The following RARA variants were observed in gnomAD, a reference collection of about 807,000 sequenced individuals.
RARA encodes the protein retinoic acid receptor alpha, also known as PML-DDX5-RARA fusion.
RARA carries 5 observed loss-of-function variants against 42.8 expected under a neutral mutation model. That is an observed-to-expected ratio of 0.12 (90% CI 0.06 to 0.25). RARA has a LOEUF of 0.25. Among genes scored for constraint, RARA ranks in the 10% least tolerant of loss-of-function variants. RARA has a pLI of 1.00. For missense variants in RARA, 402 were observed against 628.7 expected, an observed-to-expected ratio of 0.64 and a Z score of 3.86; for synonymous variants, 256 against 259.5, an observed-to-expected ratio of 0.99 and a Z score of 0.13.
chr17:40,341,514 G>A, intron 2 of RARA: 1 of 1,482,344 alleles, frequency 6.7e-7, no homozygotes, highest in Non-Finnish European at 9.0e-7. Flanking sequence ...TCCTGCCGCC[G>A]CTCTCCGCGT....
In RARA at chr17:40,319,679, C is replaced by T. The variant is rs1030322348; in HGVS notation, c.-363+10393C>T. 2.0e-5 allele frequency among the ~76,000 whole-genome samples: 3 copies of T among 152,216 alleles called. No individual in the cohort carries two copies. In the East Asian group the frequency reaches 5.8e-4, roughly 29 times the overall value. ...CAAGATTGTTTTGGGGGAAGTGGTT[C>T]TGTAAGGACCTTCCAGGTCTTGCTA... On this transcript the variant is annotated intron_variant, in intron 1 of 8. Coordinates refer to ENST00000254066, the MANE Select transcript of RARA (RefSeq NM_000964.4).
intron 2 of RARA, among the ~76,000 whole-genome samples, chr17:40,332,190 C>T (rs2033714159): frequency 6.6e-6 from 1 of 152,062 alleles, no homozygotes; most frequent in Admixed American, 6.5e-5. Flanking sequence ...CTGGGGCCTG[C>T]CAGGCCGCTT....
At chr17:40,348,292 G>A (rs375223109) in intron 2 of RARA, 24 bp from the exon 3 acceptor site, 6 of 1,537,984 alleles carry the variant, frequency 3.9e-6, no homozygotes, top group Middle Eastern at 1.7e-4. Context: ...GTCTCTAACT[G>A]CCCCTCCCCT....
chr17:40,325,351 A>T (rs1436862743), intron 1 of RARA, among the ~76,000 whole-genome samples: 1 of 152,204 alleles, frequency 6.6e-6, no homozygotes, highest in African/African-American at 2.4e-5. Context: ...GTGAACAGAC[A>T]GGAAACAGAG....
Position 40,354,513 on chromosome 17 carries a change from A to C in RARA, c.1012+7A>C. 2.9e-6 allele frequency: 3 copies of C among 1,024,732 alleles called. No homozygotes were observed. Among genetic ancestry groups the C allele is most frequent in the African/African-American group, 3.3e-5 (2 of 60,388 alleles). The allele number at this position is 1,024,732 out of a possible 1,614,324, so 63.5% of individuals were successfully genotyped here. Reference sequence around the variant, plus strand: ...ATCTGCCTCATCTGCGGAGGTGGGCAGGGGGCCTGGGTCTGGGGGCTGGGC... The same window carrying C: ...ATCTGCCTCATCTGCGGAGGTGGGCCGGGGGCCTGGGTCTGGGGGCTGGGC... On this transcript the variant is annotated splice_region_variant and intron_variant, in intron 7 of 8. Transcript: ENST00000254066. The surrounding 1 kb of genome is among the most constrained non-coding windows in gnomAD (Gnocchi z 4.5).
chr17:40,322,737 G>C (rs2033427157), intron 1 of RARA, among the ~76,000 whole-genome samples: 1 of 151,984 alleles, frequency 6.6e-6, no homozygotes, highest in Admixed American at 6.6e-5. Context: ...GGGGGGTTAA[G>C]GGGGGGACCC....
intron 2 of RARA, chr17:40,342,340 G>A: frequency 9.3e-7 from 1 of 1,074,718 alleles, no homozygotes; most frequent in Non-Finnish European, 1.1e-6. Flanking sequence ...CGCTGATCCC[G>A]CCCCCGGCCT....
At chr17:40,325,612 A>G (rs1439337406) in intron 1 of RARA, among the ~76,000 whole-genome samples, 1 of 152,254 alleles carries the variant, frequency 6.6e-6, no homozygotes, top group Non-Finnish European at 1.5e-5. Context: ...CTGGCGGGAC[A>G]GGGGTCCAAA....
Position 40,355,155 on chromosome 17 carries a change from C to T in RARA, c.1013-108C>T. The T allele has an allele frequency of 7.3e-7, 1 of 1,368,678 alleles. No homozygotes were observed. Among genetic ancestry groups the T allele is most frequent in the African/African-American group, 1.5e-5 (1 of 68,310 alleles). 84.8% of individuals were successfully genotyped at this position (1,368,678 alleles called of 1,614,324 possible). ...ATGCCCTGCCCTGTGTGGGGAGGCG[C>T]CTGCGAGCTGCCCTCCTCCATGGCC... On this transcript the variant is annotated intron_variant, in intron 7 of 8. Coordinates refer to ENST00000254066, the MANE Select transcript of RARA (RefSeq NM_000964.4). The surrounding 1 kb of genome is among the most constrained non-coding windows in gnomAD (Gnocchi z 4.1).
intron 1 of RARA, among the ~76,000 whole-genome samples, chr17:40,323,731 T>TG (rs1299796489): frequency 0.036 from 1,227 of 34,500 alleles, 9 homozygotes; most frequent in Non-Finnish European, 0.045. Context: ...GGAAGTTGCT[T>TG]GGGGGGGGGT....
At chr17:40,335,900 GGCTGAGGTGGGAGGATT>G (rs1003753101) in intron 2 of RARA, among the ~76,000 whole-genome samples, 2 of 151,926 alleles carry the variant, frequency 1.3e-5, no homozygotes, top group African/African-American at 4.8e-5. Context: ...CTACTCGGGA[GGCTGAGGTGGGAGGATT>G]GCATGAGCCT....
rs374226607 is a variant in RARA, at chr17:40,346,633, C to T, written c.179-1683C>T. Reference sequence around the variant, plus strand: ...CTGCCTCCTGGCCTCACCCAGGCCCCCCAACCCCGCCCCCCCAGCAGCTGT... The same window carrying T: ...CTGCCTCCTGGCCTCACCCAGGCCCTCCAACCCCGCCCCCCCAGCAGCTGT... On this transcript the variant is annotated intron_variant, in intron 2 of 8. Transcript: ENST00000254066. Among the ~76,000 whole-genome samples the T allele has an allele frequency of 1.2e-3, 176 of 152,238 alleles. 1 individual carries two copies. In the South Asian group the frequency reaches 0.015, roughly 13 times the overall value.
At position 40,320,289 on chromosome 17, in the gene RARA, A is replaced by G. The variant is rs1449661555; in HGVS notation, c.-362-10568A>G. Among the ~76,000 whole-genome samples the G allele has an allele frequency of 6.6e-6, 1 of 151,960 alleles. No homozygotes were observed. Among genetic ancestry groups the G allele is most frequent in the African/African-American group, 2.4e-5 (1 of 41,338 alleles). ...TAAATGCACCGGCTGCCACCCTGGGACACCTTTTTAGTCCCCTTCCTACTC... is the reference window on the plus strand; with the variant it reads ...TAAATGCACCGGCTGCCACCCTGGGGCACCTTTTTAGTCCCCTTCCTACTC... On this transcript the variant is annotated intron_variant, in intron 1 of 8. Transcript: ENST00000254066. The surrounding 1 kb of genome is among the most constrained non-coding windows in gnomAD (Gnocchi z 4.1).
At chr17:40,321,484 C>A (rs1275211833) in intron 1 of RARA, among the ~76,000 whole-genome samples, 1 of 152,194 alleles carries the variant, frequency 6.6e-6, no homozygotes, top group Non-Finnish European at 1.5e-5. Flanking sequence ...GCCCGCCCAC[C>A]TGGCATCATG....
At chr17:40,342,367 G>T in intron 2 of RARA, 1 of 1,090,980 alleles carries the variant, frequency 9.2e-7, no homozygotes, top group African/African-American at 1.6e-5. Flanking sequence ...TTGGGGAGCC[G>T]CTGTACTCTG....
rs1461844529 is a variant in RARA, at chr17:40,351,403, T to C, written c.470-507T>C. 1.8e-5 allele frequency: 8 copies of C among 441,072 alleles called. No homozygotes were observed. The East Asian group carries it at 5.8e-4, about 32-fold the overall frequency. The allele number at this position is 441,072 out of a possible 1,614,324, so 27.3% of individuals were successfully genotyped here. ...GGTGATTTGTCAGCTCCCCAGCTAA[T>C]GGGCCAAGAGATTCTCCCCGCCAGG... On this transcript the variant is annotated intron_variant, in intron 4 of 8. Transcript: ENST00000254066. This position sits in a 1 kb window ranked among gnomAD's most constrained non-coding sequence, Gnocchi z 4.1.
At position 40,356,457 on chromosome 17, in the gene RARA, A is replaced by T. The variant is rs763607614; in HGVS notation, c.*231A>T. ...TGGGCTGACGTCAGAGGCCGAGGCC[A>T]GGAACTGAGTGAGGCCCCTGGTCCT... On this transcript the variant is annotated 3_prime_UTR_variant, in exon 9 of 9. Transcript: ENST00000254066. 1.4e-6 allele frequency: 1 copy of T among 704,256 alleles called. No individual in the cohort carries two copies. 43.6% of individuals were successfully genotyped at this position (704,256 alleles called of 1,614,324 possible).
At chr17:40,344,943 C>T (rs2034206045) in intron 2 of RARA, among the ~76,000 whole-genome samples, 1 of 152,218 alleles carries the variant, frequency 6.6e-6, no homozygotes, top group East Asian at 1.9e-4. Context: ...GGAGCTGCCT[C>T]CAGCCCCCTC....
intron 1 of RARA, among the ~76,000 whole-genome samples, chr17:40,317,860 A>G (rs2033247082): frequency 6.6e-6 from 1 of 152,094 alleles, no homozygotes; most frequent in Admixed American, 6.5e-5. Flanking sequence ...CACCGCACTC[A>G]CTTCCATATT....
Sources: gnomAD v4.1 joint callset for allele counts (sites outside exome capture counted in the v4.1 genomes callset) on GRCh38, gnomAD v4.1.1 for gene constraint, Gnocchi (gnomAD v3.1) non-coding constraint, MANE v1.5 for transcripts, NCBI Gene and HGNC (gene_info 2026-07-23, HGNC 2026-07-21) for gene names.